Variants in DPYD observed in about 807,000 individuals in gnomAD.
The protein encoded by DPYD is dihydropyrimidine dehydrogenase [NADP(+)].
DPYD carries 109 observed loss-of-function variants against 116.2 expected under a neutral mutation model. That is an observed-to-expected ratio of 0.94 (90% CI 0.80 to 1.10). The LOEUF is 1.10. DPYD is among the 50% of genes least tolerant of loss of function. The pLI is 0.00. For synonymous variants in DPYD, 440 were observed against 432.0 expected (o/e 1.02, Z -0.23); for missense variants, 1,302 against 1,254.5 (o/e 1.04, Z -0.57).
chr1:97,356,533 C>A (rs952395304), intron 16 of DPYD, among the ~76,000 whole-genome samples: 2 of 152,148 alleles, frequency 1.3e-5, no homozygotes, highest in Admixed American at 6.5e-5. Flanking sequence ...CCGCTGGTGA[C>A]ACCCAGGCAA....
At chr1:97,197,084 A>G (rs1164866850) in intron 19 of DPYD, among the ~76,000 whole-genome samples, 6 of 152,222 alleles carry the variant, frequency 3.9e-5, no homozygotes, top group Non-Finnish European at 8.8e-5. Context: ...TACAATGTAG[A>G]AAAGAGTATA....
At chr1:97,717,806 T>C (rs1277853062) in intron 5 of DPYD, among the ~76,000 whole-genome samples, 1 of 151,786 alleles carries the variant, frequency 6.6e-6, no homozygotes, top group African/African-American at 2.4e-5. Context: ...TAGTATTCCA[T>C]GGTGTGTGTG....
intron 1 of DPYD, among the ~76,000 whole-genome samples, chr1:97,899,052 C>T (rs529765998): frequency 7.9e-5 from 12 of 151,752 alleles, no homozygotes; most frequent in Middle Eastern, 3.4e-3. Flanking sequence ...TCAGCTCACT[C>T]CTAGGAACCA....
In DPYD at chr1:97,793,592, G is replaced by A. The variant is rs142047745; in HGVS notation, c.233+34522C>T. Reference sequence around the variant, plus strand: ...TTCATAAAAGTGCAAAGTCAATTCCGTGGAGAAATGAGTCTTTTCCACAAT... The same window carrying A: ...TTCATAAAAGTGCAAAGTCAATTCCATGGAGAAATGAGTCTTTTCCACAAT... On this transcript the variant is annotated intron_variant, in intron 3 of 22. Transcript: ENST00000370192. Among the ~76,000 whole-genome samples, 11 of 152,236 alleles carry A rather than the reference G, an allele frequency of 7.2e-5. No homozygotes were observed. In the East Asian group the frequency reaches 1.2e-3, roughly 16 times the overall value.
chr1:97,892,482 C>T (rs998902712), intron 1 of DPYD, among the ~76,000 whole-genome samples: 1 of 151,690 alleles, frequency 6.6e-6, no homozygotes, highest in African/African-American at 2.4e-5. Context: ...CGGCCCATCT[C>T]CTGCTAGGTA....
chr1:97,610,242 C>T (rs1655855721), intron 8 of DPYD, among the ~76,000 whole-genome samples: 1 of 151,878 alleles, frequency 6.6e-6, no homozygotes, highest in African/African-American at 2.4e-5. Flanking sequence ...TCACACCACC[C>T]CCCATACCCT....
chr1:97,562,868 C>T (rs544412794), intron 11 of DPYD, among the ~76,000 whole-genome samples: 19 of 151,920 alleles, frequency 1.3e-4, no homozygotes, highest in African/African-American at 2.9e-4. Context: ...TACAGGTGTG[C>T]GCCATTACAC....
At chr1:97,689,115 T>C (rs559844156) in intron 7 of DPYD, among the ~76,000 whole-genome samples, 2 of 150,722 alleles carry the variant, frequency 1.3e-5, no homozygotes, top group East Asian at 1.9e-4. Context: ...AAGAAAAATA[T>C]GAATAATGTA....
chr1:97,720,848 G>A (rs1471942496), intron 5 of DPYD: 14 of 1,603,826 alleles, frequency 8.7e-6, no homozygotes, highest in Non-Finnish European at 1.1e-5. Context: ...CCAAATAGGA[G>A]ACGTCAGAGA....
intron 6 of DPYD, among the ~76,000 whole-genome samples, chr1:97,692,658 A>G (rs1406567533): frequency 1.3e-5 from 2 of 152,216 alleles, no homozygotes; most frequent in African/African-American, 2.4e-5. Context: ...GTAAGCTGCA[A>G]TGATTTGATG....
At chr1:97,430,593 A>G (rs1381649600) in intron 14 of DPYD, among the ~76,000 whole-genome samples, 1 of 151,154 alleles carries the variant, frequency 6.6e-6, no homozygotes, top group African/African-American at 2.4e-5. Flanking sequence ...AGTCTTGGGA[A>G]AAAAAAAAAT....
rs531192236 is a variant in DPYD at position 97,162,152 on chromosome 1, C to A, written c.2622+30917G>T. On this transcript the variant is annotated intron_variant, in intron 20 of 22. Coordinates refer to ENST00000370192, the MANE Select transcript of DPYD (RefSeq NM_000110.4). ...GGTCCCTGAGGAATCGCCACACTGA[C>A]TTCCACAGTGGTTGAACTAGTTTAC... 4.6e-5 allele frequency among the ~76,000 whole-genome samples: 7 copies of A among 152,256 alleles called. No individual in the cohort carries two copies. The South Asian group carries it at 1.2e-3, about 27-fold the overall frequency.
intron 13 of DPYD, among the ~76,000 whole-genome samples, chr1:97,472,404 G>A (rs984162484): frequency 2.6e-5 from 4 of 152,156 alleles, no homozygotes; most frequent in African/African-American, 7.2e-5. Context: ...TAGGTTCAGA[G>A]GCAACAACCT....
chr1:97,282,390 C>T (rs970958648), intron 18 of DPYD, among the ~76,000 whole-genome samples: 1 of 151,678 alleles, frequency 6.6e-6, no homozygotes, highest in African/African-American at 2.4e-5. Context: ...ACAAAGCTTT[C>T]CTTTACCATT....
At chr1:97,536,532 C>T (rs778820939) in intron 12 of DPYD, among the ~76,000 whole-genome samples, 55 of 152,168 alleles carry the variant, frequency 3.6e-4, no homozygotes, top group Non-Finnish European at 5.9e-4. Flanking sequence ...TTATCTGAAG[C>T]AGTAGAGGAT....
chr1:97,401,636 C>A (rs549620689), intron 14 of DPYD, among the ~76,000 whole-genome samples: 1 of 152,076 alleles, frequency 6.6e-6, no homozygotes, highest in South Asian at 2.1e-4. Flanking sequence ...TTTAATGAAA[C>A]CCAGCGTATC....
intron 18 of DPYD, chr1:97,265,427 C>T (rs1246854670): frequency 6.6e-6 from 1 of 152,188 alleles, no homozygotes; most frequent in Non-Finnish European, 1.5e-5. Flanking sequence ...TCCCTGCTTC[C>T]TGTCTGCTCA....
At chr1:97,152,242 C>T (rs1428392370) in intron 20 of DPYD, among the ~76,000 whole-genome samples, 1 of 152,104 alleles carries the variant, frequency 6.6e-6, no homozygotes, top group Non-Finnish European at 1.5e-5. Flanking sequence ...ACGGATGTGG[C>T]TAATTTATTT....
chr1:97,686,796 G>T (rs1157385708), intron 7 of DPYD, among the ~76,000 whole-genome samples: 1 of 151,860 alleles, frequency 6.6e-6, no homozygotes, highest in African/African-American at 2.4e-5. Flanking sequence ...AAAATTGACA[G>T]ATGAGATTTA....
Sources: gnomAD v4.1 joint callset for allele counts (sites outside exome capture counted in the v4.1 genomes callset) on GRCh38, gnomAD v4.1.1 for gene constraint, MANE v1.5 for transcripts, NCBI Gene and HGNC (gene_info 2026-07-23, HGNC 2026-07-21) for gene names.